STAG1: variants seen among roughly 807,000 people sequenced by gnomAD.
STAG1 encodes the protein cohesin subunit SA-1.
A neutral mutation model predicts 170.9 loss-of-function variants in STAG1; 26 were observed. The ratio of observed to expected loss-of-function variants is 0.15; its 90% confidence interval spans 0.11 to 0.21. The LOEUF (loss-of-function observed/expected upper bound fraction) is 0.21, where lower values mean the gene tolerates loss of function less well. Ranked by LOEUF, STAG1 falls within the 10% of genes least tolerant of loss-of-function variation. The probability of loss-of-function intolerance (pLI) is 1.00; values close to 1 mark genes in which losing one functional copy is unlikely to be tolerated. For missense variants in STAG1, 964 were observed against 1,509.5 expected (o/e 0.64, Z 5.99); for synonymous variants, 514 against 497.7 (o/e 1.03, Z -0.44).
At chr3:136,358,077 G>C (rs566301720) in intron 27 of STAG1, among the ~76,000 whole-genome samples, 1 of 148,002 alleles carries the variant, frequency 6.8e-6, no homozygotes, top group African/African-American at 2.5e-5. Flanking sequence ...GAGCAACAAA[G>C]CTAAATTCGT....
intron 21 of STAG1, among the ~76,000 whole-genome samples, chr3:136,407,529 T>C (rs2087517148): frequency 6.6e-6 from 1 of 152,200 alleles, no homozygotes; most frequent in African/African-American, 2.4e-5. Context: ...TGGTGCGATC[T>C]TGGCTCACTG....
At chr3:136,552,848 G>A (rs1260971865) in intron 5 of STAG1, among the ~76,000 whole-genome samples, 2 of 152,104 alleles carry the variant, frequency 1.3e-5, no homozygotes, top group East Asian at 1.9e-4. Context: ...GATTGGTAGC[G>A]CCCCTGGACA....
chr3:136,665,063 T>C (rs745820528), intron 1 of STAG1, among the ~76,000 whole-genome samples: 2 of 152,172 alleles, frequency 1.3e-5, no homozygotes, highest in Non-Finnish European at 2.9e-5. Flanking sequence ...TTACATCTTC[T>C]CCCTTTTTGA....
At chr3:136,586,425 G>C (rs1381136310) in intron 4 of STAG1, among the ~76,000 whole-genome samples, 1 of 152,106 alleles carries the variant, frequency 6.6e-6, no homozygotes, top group Non-Finnish European at 1.5e-5. Flanking sequence ...AAACACCCAT[G>C]TTAATTTAAA....
chr3:136,447,752 G>A (rs2088826287), intron 14 of STAG1, among the ~76,000 whole-genome samples: 1 of 151,682 alleles, frequency 6.6e-6, no homozygotes, highest in South Asian at 2.1e-4. Flanking sequence ...AGAGTAGCTG[G>A]GACTACAGGT....
At chr3:136,473,429 A>G (rs1383445811) in intron 11 of STAG1, 110 bp downstream of exon 11, 2 of 794,462 alleles carry the variant, frequency 2.5e-6, no homozygotes, top group Non-Finnish European at 3.9e-6. Context: ...GGACTGCTGT[A>G]ATAAAGAATA....
chr3:136,472,529 A>T (rs772301423), intron 11 of STAG1, 37 bp from the exon 12 acceptor site: 1 of 1,436,756 alleles, frequency 7.0e-7, no homozygotes, highest in South Asian at 1.2e-5. Context: ...CCAACTATGA[A>T]CAGAAAATAA....
intron 22 of STAG1, among the ~76,000 whole-genome samples, chr3:136,385,311 G>C (rs2086842670): frequency 6.6e-6 from 1 of 151,944 alleles, no homozygotes; most frequent in Non-Finnish European, 1.5e-5. Flanking sequence ...GTGGTGACAT[G>C]CACCTATAGT....
intron 2 of STAG1, among the ~76,000 whole-genome samples, chr3:136,626,125 C>T (rs1940081701): frequency 6.6e-6 from 1 of 151,378 alleles, no homozygotes; most frequent in Non-Finnish European, 1.5e-5. Context: ...GGTCAGCAAG[C>T]TTTTTCATAA....
intron 7 of STAG1, chr3:136,518,452 T>A: frequency 1.4e-6 from 1 of 699,026 alleles, no homozygotes; most frequent in Non-Finnish European, 2.6e-6. Context: ...TTTTAATCTA[T>A]TCCTCGTACA....
chr3:136,413,295 A>G (rs1033291748), intron 21 of STAG1, among the ~76,000 whole-genome samples: 2 of 148,604 alleles, frequency 1.3e-5, no homozygotes, highest in African/African-American at 4.9e-5. Flanking sequence ...TATCGTATAC[A>G]ATATATATTA....
intron 4 of STAG1, among the ~76,000 whole-genome samples, chr3:136,600,867 TTTGTTTTG>T (rs1438498663): frequency 1.4e-3 from 1 of 700 alleles, no homozygotes; most frequent in Non-Finnish European, 2.9e-3. Context: ...TGTTTGTTTG[TTTGTTTTG>T]TTTTGTTTTG....
chr3:136,386,760 A>C (rs1201977916), intron 22 of STAG1, among the ~76,000 whole-genome samples: 1 of 152,088 alleles, frequency 6.6e-6, no homozygotes, highest in Non-Finnish European at 1.5e-5. Context: ...TTTGTTCCAA[A>C]ATTTTACATG....
intron 29 of STAG1, among the ~76,000 whole-genome samples, chr3:136,344,357 C>A (rs115039755): frequency 6.6e-6 from 1 of 152,050 alleles, no homozygotes; most frequent in African/African-American, 2.4e-5. Context: ...AGCCAGAGAC[C>A]TCTCCTCTTT....
At chr3:136,507,092 T>C (rs1205407567) in intron 7 of STAG1, among the ~76,000 whole-genome samples, 1 of 152,210 alleles carries the variant, frequency 6.6e-6, no homozygotes, top group African/African-American at 2.4e-5. Context: ...CTTTTCACAT[T>C]AAGAGAAAAC....
Position 136,475,275 on chromosome 3 carries a change from T to G in STAG1, c.1027-1638A>C, listed in dbSNP as rs147600258. 6.5e-3 allele frequency among the ~76,000 whole-genome samples: 974 copies of G among 150,948 alleles called. 12 individuals carry two copies. Among genetic ancestry groups the G allele is most frequent in the African/African-American group, 0.023 (926 of 41,076 alleles). On this transcript the variant is annotated intron_variant, in intron 10 of 33. Coordinates refer to ENST00000383202, the MANE Select transcript of STAG1 (RefSeq NM_005862.3). ...GATTCTCTTGTCTCAGCCTCCCGAG[T>G]AGCTGAAATTACAGGTGCCCACCAC... is the stretch of plus-strand genomic sequence containing the variant.
At chr3:136,597,435 C>G (rs1938480036) in intron 4 of STAG1, among the ~76,000 whole-genome samples, 2 of 152,168 alleles carry the variant, frequency 1.3e-5, no homozygotes, top group Admixed American at 6.5e-5. Context: ...CCACTAGTTG[C>G]TGTTCTACAA....
intron 28 of STAG1, among the ~76,000 whole-genome samples, chr3:136,356,323 G>A (rs188834563): frequency 2.1e-3 from 316 of 150,466 alleles, no homozygotes; most frequent in African/African-American, 7.3e-3. Flanking sequence ...ATCACTTATA[G>A]TCATATAAGT....
At chr3:136,682,306 T>G (rs1290980311) in intron 1 of STAG1, among the ~76,000 whole-genome samples, 1 of 151,750 alleles carries the variant, frequency 6.6e-6, no homozygotes, top group Non-Finnish European at 1.5e-5. Flanking sequence ...GTGTCTGTAA[T>G]CCCAGCTACT....
Sources: allele counts gnomAD v4.1 joint callset (sites outside exome capture counted in the v4.1 genomes callset), GRCh38; gene constraint gnomAD v4.1.1; transcripts MANE v1.5; gene names NCBI Gene and HGNC (gene_info 2026-07-23, HGNC 2026-07-21).